The following DSCAM variants were observed in gnomAD, a reference collection of about 807,000 sequenced individuals.
DSCAM encodes the protein cell adhesion molecule DSCAM.
Under a neutral mutation model 217.7 loss-of-function variants are expected in DSCAM, and 47 were observed. That is an observed-to-expected ratio of 0.22 (90% confidence interval 0.17 to 0.28). The LOEUF is 0.28. Ranked by LOEUF, DSCAM falls within the 10% of genes least tolerant of loss-of-function variation. The pLI is 1.00. For synonymous variants in DSCAM, 1,056 were observed against 1,015.3 expected (o/e 1.04, Z -0.76); for missense variants, 2,080 against 2,618.3 (o/e 0.79, Z 4.49).
intron 3 of DSCAM, among the ~76,000 whole-genome samples, chr21:40,437,976 A>C (rs1168840452): frequency 6.6e-6 from 1 of 152,188 alleles, no homozygotes; most frequent in East Asian, 1.9e-4. Flanking sequence ...TCTCAGTCTG[A>C]CCCTATGTCC....
chr21:40,299,516 T>G (rs1309358263), intron 9 of DSCAM, among the ~76,000 whole-genome samples: 1 of 152,080 alleles, frequency 6.6e-6, no homozygotes, highest in Non-Finnish European at 1.5e-5. Flanking sequence ...CTGGCAAAAT[T>G]AGAGGTGATG....
At chr21:40,550,634 ATT>A (rs2076622360) in intron 3 of DSCAM, among the ~76,000 whole-genome samples, 1 of 152,220 alleles carries the variant, frequency 6.6e-6, no homozygotes, top group African/African-American at 2.4e-5. Flanking sequence ...GAACAAACAC[ATT>A]ACGTCTTTGT....
intron 3 of DSCAM, among the ~76,000 whole-genome samples, chr21:40,428,307 G>C (rs1341207664): frequency 6.9e-6 from 1 of 145,404 alleles, no homozygotes; most frequent in African/African-American, 2.6e-5. Flanking sequence ...TTTTGCTCTT[G>C]GTGTCCAGGC....
intron 3 of DSCAM, among the ~76,000 whole-genome samples, chr21:40,508,779 ATATATTTTTTTTTTTTTTT>A (rs2076234756): frequency 2.1e-4 from 1 of 4,860 alleles, no homozygotes; most frequent in Non-Finnish European, 3.3e-4. Context: ...ATATATATAT[ATATATTTTTTTTTTTTTTT>A]TTTTTTTTTT....
intron 3 of DSCAM, among the ~76,000 whole-genome samples, chr21:40,652,041 T>C (rs1010664746): frequency 3.3e-5 from 5 of 152,104 alleles, no homozygotes; most frequent in Admixed American, 6.6e-5. Flanking sequence ...GTGGCATTCT[T>C]TTCTCAGGGG....
Position 40,013,271 on chromosome 21 carries a change from G to A in DSCAM, c.5802C>T (p.Ser1934=), listed in dbSNP as rs376759596. 34 of 1,613,708 alleles carry A rather than the reference G, an allele frequency of 2.1e-5. No individual in the cohort carries two copies. Among genetic ancestry groups the A allele is most frequent in the East Asian group, 4.5e-5 (2 of 44,880 alleles). ...GGACCGTGGGGCGCTTCAGGGTCCGGCTTTTCTGAGGTTCCAAGCATGCTT... is the reference window on the plus strand; with the variant it reads ...GGACCGTGGGGCGCTTCAGGGTCCGACTTTTCTGAGGTTCCAAGCATGCTT... ...LGQACLEPQK[S]RTLKRPTVLE... Residue 1934 remains serine, a synonymous_variant, in exon 33 of 33, where the codon AGC becomes AGT. Transcript: ENST00000400454.
intron 31 of DSCAM, among the ~76,000 whole-genome samples, chr21:40,042,924 C>A (rs1481221327): frequency 4.0e-5 from 6 of 151,616 alleles, no homozygotes; most frequent in Non-Finnish European, 7.4e-5. Context: ...TGGGACATTT[C>A]CATAAATAAA....
chr21:40,619,357 A>C (rs1474503887), intron 3 of DSCAM, among the ~76,000 whole-genome samples: 1 of 152,336 alleles, frequency 6.6e-6, no homozygotes, highest in East Asian at 1.9e-4. Flanking sequence ...TGATTACATT[A>C]TTTTGAATTT....
chr21:40,109,815 C>T (rs1452739626), intron 20 of DSCAM, among the ~76,000 whole-genome samples: 1 of 152,228 alleles, frequency 6.6e-6, no homozygotes, highest in East Asian at 1.9e-4. Context: ...GAGCCTCACT[C>T]ATTGCTAGCA....
chr21:40,503,112 G>T (rs187500068), intron 3 of DSCAM, among the ~76,000 whole-genome samples: 1 of 152,214 alleles, frequency 6.6e-6, no homozygotes, highest in South Asian at 2.1e-4. Flanking sequence ...ACTTCCCAAC[G>T]TTACGCATTA....
intron 11 of DSCAM, among the ~76,000 whole-genome samples, chr21:40,258,115 C>T (rs563318826): frequency 1.3e-5 from 2 of 152,306 alleles, no homozygotes; most frequent in East Asian, 3.9e-4. Flanking sequence ...GGCATCTGAC[C>T]TGCATCTCCG....
At chr21:40,739,754 C>T (rs570647266) in intron 1 of DSCAM, among the ~76,000 whole-genome samples, 19 of 151,220 alleles carry the variant, frequency 1.3e-4, no homozygotes, top group South Asian at 4.2e-4. Context: ...TTTAACTTCC[C>T]GAAATCAGTT....
At chr21:40,374,093 T>C (rs2123709460) in intron 3 of DSCAM, among the ~76,000 whole-genome samples, 1 of 152,342 alleles carries the variant, frequency 6.6e-6, no homozygotes, top group East Asian at 1.9e-4. Flanking sequence ...GGTAGATATG[T>C]TCATCATCTT....
chr21:40,211,740 C>A (rs1296307829), intron 11 of DSCAM, among the ~76,000 whole-genome samples: 1 of 152,164 alleles, frequency 6.6e-6, no homozygotes, highest in Non-Finnish European at 1.5e-5. Flanking sequence ...GGACCAACTG[C>A]CTTCTATCTA....
chr21:40,121,976 C>A (rs925392120), intron 20 of DSCAM, among the ~76,000 whole-genome samples: 2 of 152,074 alleles, frequency 1.3e-5, no homozygotes, highest in Non-Finnish European at 2.9e-5. Flanking sequence ...CAGGCGTGAG[C>A]CACCGTGCCT....
chr21:40,492,514 C>A (rs1023018872), intron 3 of DSCAM, among the ~76,000 whole-genome samples: 1 of 151,558 alleles, frequency 6.6e-6, no homozygotes, highest in Non-Finnish European at 1.5e-5. Context: ...AATAAATGAT[C>A]AATATTAGAA....
chr21:40,299,709 T>C (rs1201318622), intron 9 of DSCAM, among the ~76,000 whole-genome samples: 1 of 152,112 alleles, frequency 6.6e-6, no homozygotes, highest in Non-Finnish European at 1.5e-5. Flanking sequence ...GTGTTTAACA[T>C]GTAACTAATG....
chr21:40,296,274 T>C (rs746123206), intron 9 of DSCAM, 100 bp from the exon 10 acceptor site: 14 of 1,362,426 alleles, frequency 1.0e-5, no homozygotes, highest in Non-Finnish European at 1.4e-5. Context: ...TATTAAAATA[T>C]GAAGACTGTT....
At chr21:40,723,090 C>CTTTTT (rs3071003) in intron 1 of DSCAM, among the ~76,000 whole-genome samples, 1 of 139,582 alleles carries the variant, frequency 7.2e-6, no homozygotes, top group African/African-American at 2.6e-5. Flanking sequence ...CTCTCTCGCT[C>CTTTTT]TTTTTTTTTT....
Sources: gnomAD v4.1 joint callset for allele counts (sites outside exome capture counted in the v4.1 genomes callset) on GRCh38, gnomAD v4.1.1 for gene constraint, MANE v1.5 for transcripts, NCBI Gene and HGNC (gene_info 2026-07-23, HGNC 2026-07-21) for gene names.